The following MPPED2 variants were observed in gnomAD, a reference collection of about 807,000 sequenced individuals.
MPPED2 encodes metallophosphoesterase MPPED2.
MPPED2 carries 5 observed loss-of-function variants against 33.0 expected under a neutral mutation model. That is an observed-to-expected ratio of 0.15 (90% confidence interval 0.08 to 0.32). The LOEUF (loss-of-function observed/expected upper bound fraction) is 0.32, where lower values mean the gene tolerates loss of function less well. Ranked by LOEUF, MPPED2 falls within the 10% of genes least tolerant of loss-of-function variation. The pLI is 1.00. For missense variants in MPPED2, 275 were observed against 372.1 expected (o/e 0.74, Z 2.15); for synonymous variants, 136 against 141.9 (o/e 0.96, Z 0.29).
intron 6 of MPPED2, among the ~76,000 whole-genome samples, chr11:30,400,630 A>C (rs1327430411): frequency 2.0e-5 from 3 of 152,262 alleles, no homozygotes; most frequent in African/African-American, 7.2e-5. Flanking sequence ...AAAGTTTAAA[A>C]GGACTGAAAC....
intron 5 of MPPED2, among the ~76,000 whole-genome samples, chr11:30,415,293 A>T (rs1275771495): frequency 6.6e-6 from 1 of 152,210 alleles, no homozygotes; most frequent in African/African-American, 2.4e-5. Context: ...AAATAGATGA[A>T]AGTGGGGTCC....
chr11:30,550,472 C>G (rs1246355134), intron 2 of MPPED2, among the ~76,000 whole-genome samples: 1 of 152,166 alleles, frequency 6.6e-6, no homozygotes, highest in Non-Finnish European at 1.5e-5. Context: ...TGAGAATAGT[C>G]AGGAATTTTG....
At chr11:30,555,258 G>A (rs1955911227) in intron 2 of MPPED2, among the ~76,000 whole-genome samples, 1 of 152,132 alleles carries the variant, frequency 6.6e-6, no homozygotes, top group Non-Finnish European at 1.5e-5. Context: ...GTGATATCAA[G>A]ATACCCCAAA....
chr11:30,504,304 C>G (rs1247781913), intron 3 of MPPED2, among the ~76,000 whole-genome samples: 1 of 152,074 alleles, frequency 6.6e-6, no homozygotes, highest in Non-Finnish European at 1.5e-5. Context: ...ACTGGCCAAG[C>G]AGAAAATTCT....
At chr11:30,538,331 A>T (rs182523201) in intron 2 of MPPED2, among the ~76,000 whole-genome samples, 3 of 152,308 alleles carry the variant, frequency 2.0e-5, no homozygotes, top group Admixed American at 6.5e-5. Flanking sequence ...ATCTCAGCTT[A>T]TCAGACAGAC....
chr11:30,473,547 C>T (rs1234934715), intron 4 of MPPED2, among the ~76,000 whole-genome samples: 7 of 152,100 alleles, frequency 4.6e-5, no homozygotes, highest in Admixed American at 3.9e-4. Context: ...CTAAGATGTT[C>T]CCAGCGATCT....
chr11:30,438,638 A>T (rs1314218618), intron 4 of MPPED2, among the ~76,000 whole-genome samples: 1 of 152,246 alleles, frequency 6.6e-6, no homozygotes, highest in Non-Finnish European at 1.5e-5. Flanking sequence ...CCTTAGACAA[A>T]TTGCCAAACT....
intron 4 of MPPED2, among the ~76,000 whole-genome samples, chr11:30,488,916 T>G (rs1951852501): frequency 6.6e-6 from 1 of 152,186 alleles, no homozygotes; most frequent in Non-Finnish European, 1.5e-5. Flanking sequence ...TGAACCCTCC[T>G]GAATAAAAGC....
intron 6 of MPPED2, among the ~76,000 whole-genome samples, chr11:30,400,816 A>C (rs1289934210): frequency 4.6e-5 from 7 of 151,172 alleles, no homozygotes; most frequent in Admixed American, 4.6e-4. Context: ...CCAGGAGTGC[A>C]GTGGCACAAT....
intron 4 of MPPED2, among the ~76,000 whole-genome samples, chr11:30,434,646 C>A (rs1949241739): frequency 6.6e-6 from 1 of 152,182 alleles, no homozygotes; most frequent in African/African-American, 2.4e-5. Context: ...GGAGATAACA[C>A]AGTCTAACTC....
At chr11:30,508,969 G>T (rs1002221542) in intron 3 of MPPED2, among the ~76,000 whole-genome samples, 1 of 152,158 alleles carries the variant, frequency 6.6e-6, no homozygotes, top group African/African-American at 2.4e-5. Context: ...TTATCAAATA[G>T]ATGAATGAAT....
intron 4 of MPPED2, among the ~76,000 whole-genome samples, chr11:30,423,917 A>G (rs897088074): frequency 1.3e-5 from 2 of 152,152 alleles, no homozygotes; most frequent in Non-Finnish European, 2.9e-5. Flanking sequence ...AAAGTCCCCA[A>G]TGCATAGGCA....
chr11:30,485,959 A>G (rs966816648), intron 4 of MPPED2, among the ~76,000 whole-genome samples: 1 of 152,214 alleles, frequency 6.6e-6, no homozygotes, highest in African/African-American at 2.4e-5. Context: ...CAACTTTGGC[A>G]GCATGCAGGC....
At chr11:30,406,261 T>C (rs1947987432), downstream of MPPED2, among the ~76,000 whole-genome samples, 1 of 152,184 alleles carries the variant, frequency 6.6e-6, no homozygotes, top group Non-Finnish European at 1.5e-5. Context: ...AAAATCACAC[T>C]ATGTCAGGCC....
At chr11:30,514,415 C>A (rs1953405253) in intron 3 of MPPED2, among the ~76,000 whole-genome samples, 1 of 152,176 alleles carries the variant, frequency 6.6e-6, no homozygotes, top group Non-Finnish European at 1.5e-5. Flanking sequence ...TGGGACAAAG[C>A]CACCATGTAA....
At chr11:30,402,886 A>G (rs957077520) in intron 6 of MPPED2, among the ~76,000 whole-genome samples, 18 of 152,200 alleles carry the variant, frequency 1.2e-4, no homozygotes, top group African/African-American at 4.3e-4. Flanking sequence ...TGTGAAACCA[A>G]CATATTGCTT....
chr11:30,492,206 T>C (rs565907879), intron 4 of MPPED2, among the ~76,000 whole-genome samples: 8 of 145,844 alleles, frequency 5.5e-5, no homozygotes, highest in South Asian at 4.1e-4. Flanking sequence ...AATTAGTCTG[T>C]TTGTTCGATT....
At chr11:30,470,889 A>G (rs1950919527) in intron 4 of MPPED2, among the ~76,000 whole-genome samples, 1 of 152,244 alleles carries the variant, frequency 6.6e-6, no homozygotes, top group African/African-American at 2.4e-5. Flanking sequence ...TTTAACCTCT[A>G]AGATTCTCTC....
intron 3 of MPPED2, among the ~76,000 whole-genome samples, chr11:30,501,308 T>G (rs1452856152): frequency 6.6e-6 from 1 of 152,198 alleles, no homozygotes; most frequent in Middle Eastern, 3.2e-3. Flanking sequence ...AAAGAACATT[T>G]TGATTTTTCT....
Sources: gnomAD v4.1 joint callset for allele counts (sites outside exome capture counted in the v4.1 genomes callset) on GRCh38, gnomAD v4.1.1 for gene constraint, MANE v1.5 for transcripts, NCBI Gene and HGNC (gene_info 2026-07-23, HGNC 2026-07-21) for gene names.